NELL2: variants seen among roughly 807,000 people sequenced by gnomAD.
NELL2 encodes the protein neural EGFL like 2, also known as protein kinase C-binding protein NELL2.
A neutral mutation model predicts 109.6 loss-of-function variants in NELL2; 41 were observed. The observed-to-expected ratio is 0.37, with a 90% CI of 0.29 to 0.49. The LOEUF (loss-of-function observed/expected upper bound fraction) is 0.49. NELL2 is among the 20% of genes least tolerant of loss of function. The pLI, the probability that NELL2 is intolerant of heterozygous loss-of-function variation, is 0.98. For missense variants in NELL2, 900 were observed against 1,008.3 expected, an observed-to-expected ratio of 0.89 and a Z score of 1.45; for synonymous variants, 355 against 344.7, an observed-to-expected ratio of 1.03 and a Z score of -0.33.
chr12:44,683,260 C>A lies in NELL2; in HGVS notation c.1319-17651G>T, dbSNP rs1340232041. Among the ~76,000 whole-genome samples the A allele has an allele frequency of 3.9e-5, 6 of 152,140 alleles. No homozygotes were observed. In the South Asian group the frequency reaches 1.0e-3, roughly 26 times the overall value. ...TATAAGAATGCTTGTGATTTTTGCA[C>A]ATTGATTTTGTATCCTGAGACTTTG... On this transcript the variant is annotated intron_variant, in intron 12 of 19. Coordinates refer to ENST00000429094, the MANE Select transcript of NELL2 (RefSeq NM_001145108.2).
At chr12:44,857,553 A>G (rs886489868) in intron 2 of NELL2, among the ~76,000 whole-genome samples, 2 of 152,216 alleles carry the variant, frequency 1.3e-5, no homozygotes, top group African/African-American at 4.8e-5. Context: ...GATCAAATCA[A>G]TACCAAGGAA....
intron 1 of NELL2, among the ~76,000 whole-genome samples, chr12:44,906,562 G>T (rs1945721514): frequency 6.6e-6 from 1 of 151,986 alleles, no homozygotes; most frequent in Non-Finnish European, 1.5e-5. Flanking sequence ...GACTTACACT[G>T]AATTCAGAGT....
intron 15 of NELL2, among the ~76,000 whole-genome samples, chr12:44,540,443 C>T (rs1041796639): frequency 6.6e-6 from 1 of 151,944 alleles, no homozygotes; most frequent in African/African-American, 2.4e-5. Flanking sequence ...AATAATATGG[C>T]TAATGGGGGT....
intron 19 of NELL2, among the ~76,000 whole-genome samples, chr12:44,514,435 G>A (rs755545252): frequency 3.3e-5 from 5 of 151,724 alleles, no homozygotes; most frequent in Non-Finnish European, 5.9e-5. Context: ...TGAGTAAAAT[G>A]TATGATAAAA....
At chr12:44,772,151 A>G (rs1941575886) in intron 9 of NELL2, among the ~76,000 whole-genome samples, 1 of 152,200 alleles carries the variant, frequency 6.6e-6, no homozygotes, top group African/African-American at 2.4e-5. Flanking sequence ...TAAAAGAGTA[A>G]AAAACATAGG....
At position 44,905,759 on chromosome 12, in the gene NELL2, T is replaced by C. The variant is rs192125195; in HGVS notation, c.38+8040A>G. Among the ~76,000 whole-genome samples the C allele has an allele frequency of 1.2e-4, 19 of 152,200 alleles. No individual in the cohort carries two copies. The East Asian group carries it at 3.5e-3, about 28-fold the overall frequency. On this transcript the variant is annotated intron_variant, in intron 1 of 20. Transcript: ENST00000333837. ...CATCTGACTAGCTCTCACAGGCCTA[T>C]AGGGGGACCTTTGGTCTGAATCCTA...
At chr12:44,677,456 T>C (rs1948355602) in intron 12 of NELL2, among the ~76,000 whole-genome samples, 1 of 152,148 alleles carries the variant, frequency 6.6e-6, no homozygotes, top group African/African-American at 2.4e-5. Context: ...TATCAATTTC[T>C]TCTGCAATTT....
At chr12:44,903,510 C>A (rs1470801261) in intron 1 of NELL2, among the ~76,000 whole-genome samples, 1 of 152,084 alleles carries the variant, frequency 6.6e-6, no homozygotes, top group Non-Finnish European at 1.5e-5. Flanking sequence ...ACTAGAAATA[C>A]CATTTGACCC....
intron 3 of NELL2, among the ~76,000 whole-genome samples, chr12:44,795,097 G>C (rs978092936): frequency 6.6e-6 from 1 of 152,104 alleles, no homozygotes; most frequent in African/African-American, 2.4e-5. Flanking sequence ...CATCACTCAA[G>C]ATCAAAGGAT....
At chr12:44,666,262 T>G (rs1007405053) in intron 12 of NELL2, among the ~76,000 whole-genome samples, 1 of 152,232 alleles carries the variant, frequency 6.6e-6, no homozygotes, top group Non-Finnish European at 1.5e-5. Flanking sequence ...TAATGACTTC[T>G]GGATGCTAAC....
chr12:44,514,212 AT>A (rs1395265152), intron 19 of NELL2, among the ~76,000 whole-genome samples: 1 of 151,936 alleles, frequency 6.6e-6, no homozygotes, highest in Non-Finnish European at 1.5e-5. Context: ...TTTCAGATAA[AT>A]AAGAGTTGAA....
At chr12:44,628,739 T>A (rs1946352421) in intron 13 of NELL2, among the ~76,000 whole-genome samples, 1 of 152,124 alleles carries the variant, frequency 6.6e-6, no homozygotes, top group African/African-American at 2.4e-5. Flanking sequence ...CTAATCTGCC[T>A]GCTCGCCCCA....
In NELL2 at chr12:44,756,041, C is replaced by T. The variant is rs190390615; in HGVS notation, c.994+18706G>A. Among the ~76,000 whole-genome samples, 136 of 152,250 alleles carry T rather than the reference C, an allele frequency of 8.9e-4. 1 individual carries two copies. The highest frequency in any genetic ancestry group is 1.8e-3 in the Non-Finnish European group (120 of 68,006). On this transcript the variant is annotated intron_variant, in intron 9 of 19. Transcript: ENST00000429094. ...TCACCTGTGACTCTGCCTCTTCTCT[C>T]CAGTAATTCACCTTAGATCTCACTT... is the stretch of plus-strand genomic sequence containing the variant.
In NELL2 at chr12:44,828,624, G is replaced by T. The variant is rs182179187; in HGVS notation, c.185-12488C>A. 2.6e-5 allele frequency among the ~76,000 whole-genome samples: 4 copies of T among 152,020 alleles called. No homozygotes were observed. The South Asian group carries it at 8.3e-4, about 32-fold the overall frequency. On this transcript the variant is annotated intron_variant, in intron 2 of 19. Transcript: ENST00000429094. ...CTAATCAAACAAAAAGAAATAGCAG[G>T]TTCTATTCCCAGAACCAACAACTGT...
Position 44,523,380 on chromosome 12 carries a change from T to C in NELL2, c.1909A>G (p.Thr637Ala), listed in dbSNP as rs1592064945. Residue 637 changes from threonine (T) to alanine (A), a missense_variant, in exon 17 of 20, where the codon ACA becomes GCA. Physicochemically the swap from Thr to Ala is moderately conservative, Grantham distance 58 (BLOSUM62 0). Transcript: ENST00000429094. ...DCRCPHGKNC[T>A]GDCIHDGKVK... Reference sequence around the variant, plus strand: ...TTTCCATCATGGATGCAGTCCCCTGTGCAATTCTTTCCATGAGGACATCGA... The same window carrying C: ...TTTCCATCATGGATGCAGTCCCCTGCGCAATTCTTTCCATGAGGACATCGA... 6.2e-7 allele frequency: 1 copy of C among 1,614,198 alleles called. No homozygotes were observed. The highest frequency in any genetic ancestry group is 8.5e-7 in the Non-Finnish European group (1 of 1,180,018).
chr12:44,707,064 C>T (rs961002103), intron 11 of NELL2, among the ~76,000 whole-genome samples: 1 of 151,998 alleles, frequency 6.6e-6, no homozygotes, highest in Non-Finnish European at 1.5e-5. Flanking sequence ...ATAGGTTTTG[C>T]CTAAAGGCAT....
At chr12:44,543,177 T>TC (rs1488907060) in intron 15 of NELL2, among the ~76,000 whole-genome samples, 1 of 152,196 alleles carries the variant, frequency 6.6e-6, no homozygotes, top group African/African-American at 2.4e-5. Flanking sequence ...ACAAAATTTC[T>TC]CCTTCTGAAG....
chr12:44,566,533 T>TCACACACACA (rs3071958), intron 15 of NELL2, among the ~76,000 whole-genome samples: 1 of 148,760 alleles, frequency 6.7e-6, no homozygotes, highest in African/African-American at 2.5e-5. Context: ...TTACACATAC[T>TCACACACACA]CACACACACA....
At chr12:44,781,330 A>T (rs913905849) in intron 3 of NELL2, among the ~76,000 whole-genome samples, 1 of 152,074 alleles carries the variant, frequency 6.6e-6, no homozygotes, top group African/African-American at 2.4e-5. Flanking sequence ...CAGAAAAAAA[A>T]GCATCCAATG....
Sources: allele counts gnomAD v4.1 joint callset (sites outside exome capture counted in the v4.1 genomes callset), GRCh38; gene constraint gnomAD v4.1.1; transcripts MANE v1.5; gene names NCBI Gene and HGNC (gene_info 2026-07-23, HGNC 2026-07-21).